Variants in CELF2 observed in about 807,000 individuals in gnomAD.
CELF2 encodes the protein CUGBP Elav-like family member 2, also known as CUG triplet repeat RNA-binding protein 2.
A neutral mutation model predicts 62.6 loss-of-function variants in CELF2; 8 were observed. The observed-to-expected ratio is 0.13, with a 90% CI of 0.07 to 0.23. The LOEUF is 0.23. Among genes scored for constraint, CELF2 ranks in the 10% least tolerant of loss-of-function variants. The probability of loss-of-function intolerance (pLI) is 1.00; values close to 1 mark genes in which losing one functional copy is unlikely to be tolerated. For missense variants in CELF2, 333 were observed against 671.0 expected (o/e 0.50, Z 5.56); for synonymous variants, 258 against 250.0 (o/e 1.03, Z -0.30).
intron 2 of CELF2, among the ~76,000 whole-genome samples, chr10:10,964,396 G>C (rs1473400781): frequency 2.6e-5 from 4 of 152,156 alleles, no homozygotes; most frequent in Non-Finnish European, 5.9e-5. Context: ...TAACACTTTT[G>C]ACCTTTAAGA....
At chr10:10,859,665 G>A (rs764061120) in intron 1 of CELF2, among the ~76,000 whole-genome samples, 7 of 151,946 alleles carry the variant, frequency 4.6e-5, no homozygotes, top group African/African-American at 1.2e-4. Context: ...AAAGAGTTTC[G>A]AATAAGTGGT....
the CELF2 span, among the ~76,000 whole-genome samples, chr10:10,669,587 T>A: frequency 6.6e-6 from 1 of 152,220 alleles, no homozygotes; most frequent in South Asian, 2.1e-4. Flanking sequence ...CATGACTCCC[T>A]GGGAGCCAGG....
chr10:10,919,271 A>C (rs929667133), intron 1 of CELF2, among the ~76,000 whole-genome samples: 6 of 44,638 alleles, frequency 1.3e-4, no homozygotes, highest in Non-Finnish European at 4.5e-4. Flanking sequence ...CTCTGTCTGA[A>C]AAAAAAAAAG....
chr10:10,761,045 C>T, the CELF2 span, among the ~76,000 whole-genome samples: 15 of 152,078 alleles, frequency 9.9e-5, no homozygotes, highest in African/African-American at 3.1e-4. Flanking sequence ...GGTATTGTCC[C>T]ATAGACTTCT....
chr10:10,745,914 T>C, the CELF2 span, among the ~76,000 whole-genome samples: 1 of 152,252 alleles, frequency 6.6e-6, no homozygotes, highest in Admixed American at 6.5e-5. Flanking sequence ...ACCTGCATCA[T>C]GTTGATATTA....
the CELF2 span, among the ~76,000 whole-genome samples, chr10:10,620,103 T>G: frequency 1.4e-4 from 22 of 152,204 alleles, no homozygotes; most frequent in African/African-American, 5.1e-4. Flanking sequence ...TCCTATCAGA[T>G]AGTGTTCTCT....
intron 2 of CELF2, chr10:10,946,623 T>G (rs995085475): frequency 6.1e-5 from 9 of 147,954 alleles, no homozygotes; most frequent in East Asian, 5.9e-4. Flanking sequence ...AGTTTTAGTG[T>G]TTTTTTTTTA....
At chr10:10,891,422 T>C (rs905293113) in intron 1 of CELF2, among the ~76,000 whole-genome samples, 1 of 152,008 alleles carries the variant, frequency 6.6e-6, no homozygotes, top group African/African-American at 2.4e-5. Flanking sequence ...ATCATCATCA[T>C]TATTGTCATC....
chr10:10,579,339 A>T, the CELF2 span, among the ~76,000 whole-genome samples: 2 of 152,158 alleles, frequency 1.3e-5, no homozygotes, highest in African/African-American at 4.8e-5. Flanking sequence ...CTGTCTTTAG[A>T]TGGTCTTCAT....
chr10:10,864,044 T>C (rs953667086), intron 1 of CELF2, among the ~76,000 whole-genome samples: 2 of 152,196 alleles, frequency 1.3e-5, no homozygotes, highest in African/African-American at 2.4e-5. Context: ...TTTTAAAATT[T>C]ATTGTGCCTC....
the CELF2 span, among the ~76,000 whole-genome samples, chr10:10,582,638 G>A: frequency 6.6e-6 from 1 of 152,198 alleles, no homozygotes; most frequent in East Asian, 1.9e-4. Flanking sequence ...AGACTTTCAA[G>A]CAATCAATAA....
chr10:10,929,875 A>G (rs1414115863), intron 2 of CELF2, among the ~76,000 whole-genome samples: 1 of 152,226 alleles, frequency 6.6e-6, no homozygotes, highest in Admixed American at 6.5e-5. Context: ...TTGCCTTGCT[A>G]CGAGTTATTG....
the CELF2 span, among the ~76,000 whole-genome samples, chr10:10,513,667 C>A: frequency 6.6e-6 from 1 of 151,970 alleles, no homozygotes; most frequent in Non-Finnish European, 1.5e-5. Flanking sequence ...TAAAATAATC[C>A]AAAAGGTGTA....
the CELF2 span, among the ~76,000 whole-genome samples, chr10:10,515,198 C>A: frequency 4.6e-5 from 7 of 152,214 alleles, no homozygotes; most frequent in African/African-American, 1.7e-4. Flanking sequence ...ACAATGGCAC[C>A]TGATCGCCTT....
intron 1 of CELF2, among the ~76,000 whole-genome samples, chr10:11,083,222 G>C (rs1413132879): frequency 6.6e-6 from 1 of 152,166 alleles, no homozygotes; most frequent in East Asian, 1.9e-4. Flanking sequence ...AAATGAACTG[G>C]GGAAAGGAGT....
chr10:10,532,636 A>G, the CELF2 span, among the ~76,000 whole-genome samples: 52 of 152,344 alleles, frequency 3.4e-4, 1 homozygote, highest in South Asian at 0.011. Context: ...TAATATCTAA[A>G]TAGGATACAG....
intron 1 of CELF2, among the ~76,000 whole-genome samples, chr10:11,164,235 C>T (rs2066410817): frequency 6.6e-6 from 1 of 152,146 alleles, no homozygotes; most frequent in African/African-American, 2.4e-5. Context: ...GGCAGAGTAG[C>T]TGGGTTCAGG....
the CELF2 span, among the ~76,000 whole-genome samples, chr10:10,514,668 A>T: frequency 6.6e-6 from 1 of 152,126 alleles, no homozygotes; most frequent in Non-Finnish European, 1.5e-5. Flanking sequence ...ATAATGGCTG[A>T]TGAGGTTGGA....
At chr10:10,989,675 T>C (rs1370455867) in intron 2 of CELF2, among the ~76,000 whole-genome samples, 1 of 152,120 alleles carries the variant, frequency 6.6e-6, no homozygotes, top group Non-Finnish European at 1.5e-5. Context: ...TCTTTGGCTA[T>C]ATGAAAGTTT....
Sources: allele counts gnomAD v4.1 joint callset (sites outside exome capture counted in the v4.1 genomes callset), GRCh38; gene constraint gnomAD v4.1.1; transcripts MANE v1.5; gene names NCBI Gene and HGNC (gene_info 2026-07-23, HGNC 2026-07-21).